The following GK5 variants were observed in gnomAD, a reference collection of about 807,000 sequenced individuals.
GK5 encodes the protein ATP:glycerol 3-phosphotransferase 5.
A neutral mutation model predicts 77.3 loss-of-function variants in GK5; 39 were observed. The observed-to-expected ratio is 0.50, with a 90% CI of 0.39 to 0.66. GK5 has a LOEUF of 0.66. Ranked by LOEUF, GK5 falls within the 30% of genes least tolerant of loss-of-function variation. The pLI, the probability that GK5 is intolerant of heterozygous loss-of-function variation, is 0.00. For missense variants in GK5, 487 were observed against 633.8 expected (o/e 0.77, Z 2.49); for synonymous variants, 211 against 208.0 (o/e 1.01, Z -0.13).
At chr3:142,215,494 T>C (rs776289942) in intron 2 of GK5, 105 bp downstream of exon 2, 1 of 581,306 alleles carries the variant, frequency 1.7e-6, no homozygotes, top group Non-Finnish European at 3.0e-6. Context: ...AATAAAATAC[T>C]ATATATATGT....
At position 142,163,716 on chromosome 3, in the gene GK5, C is replaced by T. The variant is rs1254720306; in HGVS notation, c.*1906G>A. 6.6e-6 allele frequency: 1 copy of T among 151,996 alleles called. No individual in the cohort carries two copies. Among genetic ancestry groups the T allele is most frequent in the Non-Finnish European group, 1.5e-5 (1 of 68,010 alleles). The allele number at this position is 151,996 out of a possible 1,614,324, so 9.4% of individuals were successfully genotyped here. On this transcript the variant is annotated 3_prime_UTR_variant, in exon 16 of 16. Coordinates refer to ENST00000392993, the MANE Select transcript of GK5 (RefSeq NM_001039547.3). The stretch of plus-strand genomic sequence containing the variant: ...TTTCCTATGAAATTACACCCATTGG[C>T]TGGGTGCAGTGGTTCACGGCTGCAA...
intron 15 of GK5, 152 bp downstream of exon 15, chr3:142,170,173 G>C (rs1468573986): frequency 1.2e-6 from 1 of 813,936 alleles, no homozygotes; most frequent in Admixed American, 1.7e-5. Context: ...GAGGTCACAG[G>C]ATATTTTGTG....
intron 4 of GK5, among the ~76,000 whole-genome samples, chr3:142,203,707 G>A (rs930592110): frequency 2.0e-5 from 3 of 152,214 alleles, no homozygotes; most frequent in African/African-American, 7.2e-5. Context: ...CCAGGAGGCA[G>A]AGGTTGCAGT....
At position 142,225,572 on chromosome 3, in the gene GK5, G is replaced by C; in HGVS notation, c.-117C>G. 3 of 1,280,810 alleles carry C rather than the reference G, an allele frequency of 2.3e-6. No individual in the cohort carries two copies. Among genetic ancestry groups the C allele is most frequent in the Non-Finnish European group, 3.1e-6 (3 of 960,928 alleles). 79.3% of individuals were successfully genotyped at this position (1,280,810 alleles called of 1,614,324 possible). On this transcript the variant is annotated 5_prime_UTR_variant, in exon 1 of 16. Transcript: ENST00000392993. ...GGCCCCAACCCGGCTCAGCCGGAGAGCCTAGAGAGGCCTGGCCCCTGCCGC... is the reference window on the plus strand; with the variant it reads ...GGCCCCAACCCGGCTCAGCCGGAGACCCTAGAGAGGCCTGGCCCCTGCCGC...
intron 15 of GK5, among the ~76,000 whole-genome samples, chr3:142,167,210 C>T (rs1005853935): frequency 3.3e-5 from 5 of 151,866 alleles, no homozygotes; most frequent in Non-Finnish European, 5.9e-5. Flanking sequence ...CCTGTCTCTA[C>T]TAAAATATAA....
intron 15 of GK5, among the ~76,000 whole-genome samples, chr3:142,166,109 C>A (rs1248219531): frequency 6.6e-6 from 1 of 152,076 alleles, no homozygotes; most frequent in Non-Finnish European, 1.5e-5. Flanking sequence ...TCTGGCCAGG[C>A]ACAGTGGTTC....
At chr3:142,172,109 T>TA (rs1020945471) in intron 13 of GK5, among the ~76,000 whole-genome samples, 2 of 152,090 alleles carry the variant, frequency 1.3e-5, no homozygotes, top group African/African-American at 2.4e-5. Context: ...TTGAATTTTT[T>TA]AAAAAAATCC....
chr3:142,171,673 G>A (rs1165525865), intron 13 of GK5, among the ~76,000 whole-genome samples, 195 bp from the exon 14 acceptor site: 1 of 151,970 alleles, frequency 6.6e-6, no homozygotes, highest in Non-Finnish European at 1.5e-5. Context: ...AAGAAGCGCA[G>A]GTCCTTGTGT....
chr3:142,186,124 CT>C, intron 8 of GK5, 69 bp downstream of exon 8: 1 of 1,222,874 alleles, frequency 8.2e-7, no homozygotes, highest in Non-Finnish European at 1.2e-6. Context: ...TAATAAAATG[CT>C]TTTCCCCACG....
At chr3:142,169,488 T>C (rs1255496335) in intron 15 of GK5, among the ~76,000 whole-genome samples, 1 of 152,148 alleles carries the variant, frequency 6.6e-6, no homozygotes, top group Non-Finnish European at 1.5e-5. Context: ...CTTACCTCAA[T>C]GTTTCCTCTT....
chr3:142,173,156 G>C (rs967199384), intron 12 of GK5: 1 of 429,500 alleles, frequency 2.3e-6, no homozygotes, highest in Non-Finnish European at 4.6e-6. Flanking sequence ...AGCCGTGATC[G>C]CGTTACTGCA....
At chr3:142,183,200 T>C (rs969194044) in intron 9 of GK5, 151 bp from the exon 10 acceptor site, 3 of 649,340 alleles carry the variant, frequency 4.6e-6, no homozygotes, top group East Asian at 2.8e-5. Context: ...CCAAAGAGAA[T>C]AGGGAGCAAC....
intron 12 of GK5, 75 bp downstream of exon 12, chr3:142,177,407 G>A: frequency 2.5e-6 from 2 of 801,470 alleles, no homozygotes; most frequent in Admixed American, 2.2e-5. Context: ...GTAACAGAAT[G>A]GTAGATATAT....
chr3:142,222,713 C>T (rs1453951298), intron 1 of GK5, among the ~76,000 whole-genome samples: 2 of 152,090 alleles, frequency 1.3e-5, no homozygotes, highest in African/African-American at 4.8e-5. Context: ...TTCAAGGTTG[C>T]AGTGAACTGT....
rs139250514 is a variant in GK5 at position 142,165,420 on chromosome 3, T to C, written c.*202A>G. ...ATAGAAGATATAAAGTTTTGAGGTATTGCTGCCTTACCATGGTTTAGGGGA... is the reference window on the plus strand; with the variant it reads ...ATAGAAGATATAAAGTTTTGAGGTACTGCTGCCTTACCATGGTTTAGGGGA... On this transcript the variant is annotated 3_prime_UTR_variant, in exon 16 of 16. Transcript: ENST00000392993. 1 of 426,302 alleles carries C rather than the reference T, an allele frequency of 2.3e-6. No homozygotes were observed. 26.4% of individuals were successfully genotyped at this position (426,302 alleles called of 1,614,324 possible).
intron 12 of GK5, among the ~76,000 whole-genome samples, chr3:142,172,700 A>G (rs937235645): frequency 1.3e-5 from 2 of 152,366 alleles, no homozygotes; most frequent in Non-Finnish European, 2.9e-5. Context: ...GAACTGAAGC[A>G]TATAGTAACA....
Position 142,186,448 on chromosome 3 carries a change from T to C in GK5, c.681+4A>G. 6.6e-7 allele frequency: 1 copy of C among 1,516,300 alleles called. No individual in the cohort carries two copies. The highest frequency in any genetic ancestry group is 2.1e-5 in the Admixed American group (1 of 46,702). 93.9% of individuals were successfully genotyped at this position (1,516,300 alleles called of 1,614,324 possible). A position where few individuals can be genotyped will look rare whatever the true frequency, so the allele number is the denominator to read the frequency against. On this transcript the variant is annotated splice_donor_region_variant and intron_variant, in intron 7 of 15. Coordinates refer to ENST00000392993, the MANE Select transcript of GK5 (RefSeq NM_001039547.3). Reference sequence around the variant, plus strand: ...ATTCAAAAAGAAGAAAAAAAAATTTTTACCTTATATGGGTCAAAAAGTCCA... The same window carrying C: ...ATTCAAAAAGAAGAAAAAAAAATTTCTACCTTATATGGGTCAAAAAGTCCA...
intron 10 of GK5, 45 bp downstream of exon 10, chr3:142,182,878 G>A: frequency 7.2e-7 from 1 of 1,390,512 alleles, no homozygotes; most frequent in African/African-American, 1.4e-5. Context: ...AATATGAACA[G>A]AAGTGATATT....
intron 9 of GK5, chr3:142,185,096 A>C (rs1308136438): frequency 2.0e-6 from 2 of 985,288 alleles, no homozygotes; most frequent in Non-Finnish European, 2.4e-6. Context: ...AGGAAATCAA[A>C]GGCAATGTGA....
Sources: allele counts gnomAD v4.1 joint callset (sites outside exome capture counted in the v4.1 genomes callset), GRCh38; gene constraint gnomAD v4.1.1; transcripts MANE v1.5; gene names NCBI Gene and HGNC (gene_info 2026-07-23, HGNC 2026-07-21).